CLASP1: variants seen among roughly 807,000 people sequenced by gnomAD.
CLASP1 encodes CLIP-associating protein 1.
In CLASP1, 38 loss-of-function variants were observed where a neutral mutation model predicts 192.3. The ratio of observed to expected loss-of-function variants is 0.20; its 90% CI spans 0.15 to 0.26. The LOEUF is 0.26. Ranked by LOEUF, CLASP1 falls within the 10% of genes least tolerant of loss-of-function variation. The pLI, the probability that CLASP1 is intolerant of heterozygous loss-of-function variation, is 1.00. For missense variants in CLASP1, 1,433 were observed against 1,932.5 expected (o/e 0.74, Z 4.85); for synonymous variants, 691 against 712.8 (o/e 0.97, Z 0.49).
intron 1 of CLASP1, among the ~76,000 whole-genome samples, chr2:121,638,860 G>A (rs1356253304): frequency 6.6e-6 from 1 of 151,878 alleles, no homozygotes; most frequent in Non-Finnish European, 1.5e-5. Context: ...GTAGAGACAG[G>A]GTTTCACCAT....
intron 1 of CLASP1, among the ~76,000 whole-genome samples, chr2:121,610,457 T>C (rs1477694849): frequency 2.1e-5 from 2 of 97,184 alleles, no homozygotes; most frequent in Non-Finnish European, 4.1e-5. Context: ...GAAGAGGAAC[T>C]AGAGGAGGAG....
chr2:121,415,899 T>C lies in CLASP1; in HGVS notation c.2320+2723A>G, dbSNP rs542156485. The stretch of plus-strand genomic sequence containing the variant: ...ACATGTGGTATTAAATAGCAAAGAT[T>C]ACCTGGCAATTTTTACCAGCTTGCA... On this transcript the variant is annotated intron_variant, in intron 23 of 39. Transcript: ENST00000263710. 2.0e-5 allele frequency among the ~76,000 whole-genome samples: 3 copies of C among 152,296 alleles called. No individual in the cohort carries two copies. The East Asian group carries it at 5.8e-4, about 29-fold the overall frequency.
chr2:121,391,955 C>T (rs1048393470), intron 30 of CLASP1, among the ~76,000 whole-genome samples: 5 of 152,170 alleles, frequency 3.3e-5, no homozygotes, highest in Admixed American at 3.3e-4. Flanking sequence ...AAGCTGAGAT[C>T]CAGCTATTTG....
chr2:121,405,723 C>T (rs1054312784), intron 25 of CLASP1, among the ~76,000 whole-genome samples: 3 of 152,192 alleles, frequency 2.0e-5, no homozygotes, highest in African/African-American at 7.2e-5. Context: ...GTGGGACCAC[C>T]AGGATTAAAC....
intron 30 of CLASP1, among the ~76,000 whole-genome samples, chr2:121,391,120 ATATTAT>A (rs1194730681): frequency 6.6e-6 from 1 of 152,210 alleles, no homozygotes; most frequent in African/African-American, 2.4e-5. Flanking sequence ...ACACGCTCAT[ATATTAT>A]TATATTAATT....
intron 23 of CLASP1, among the ~76,000 whole-genome samples, chr2:121,413,811 T>A (rs2078119899): frequency 6.6e-6 from 1 of 152,212 alleles, no homozygotes; most frequent in Non-Finnish European, 1.5e-5. Flanking sequence ...ATGATATCCA[T>A]GCCCCCTTGC....
At chr2:121,637,297 T>A (rs937338408) in intron 1 of CLASP1, among the ~76,000 whole-genome samples, 1 of 151,242 alleles carries the variant, frequency 6.6e-6, no homozygotes, top group African/African-American at 2.4e-5. Flanking sequence ...GAAAATGAAG[T>A]CAAAAACCCA....
chr2:121,553,936 A>G (rs2058277505), intron 2 of CLASP1, among the ~76,000 whole-genome samples: 1 of 152,150 alleles, frequency 6.6e-6, no homozygotes, highest in African/African-American at 2.4e-5. Flanking sequence ...TCAACAGGCT[A>G]CAGACAGTGG....
chr2:121,525,519 T>C (rs1424398062), intron 6 of CLASP1, among the ~76,000 whole-genome samples: 1 of 152,058 alleles, frequency 6.6e-6, no homozygotes, highest in Admixed American at 6.6e-5. Context: ...CACCACCCCT[T>C]TTGGCTGCAG....
intron 9 of CLASP1, among the ~76,000 whole-genome samples, chr2:121,465,065 G>A (rs1389693668): frequency 3.3e-5 from 5 of 152,228 alleles, no homozygotes; most frequent in Admixed American, 6.5e-5. Flanking sequence ...CCAATATCAT[G>A]CTGAATGGGC....
intron 7 of CLASP1, among the ~76,000 whole-genome samples, chr2:121,507,201 A>G (rs779861605): frequency 6.6e-6 from 1 of 152,246 alleles, no homozygotes; most frequent in Non-Finnish European, 1.5e-5. Flanking sequence ...ATTAAAGTGT[A>G]AGAACAATGT....
chr2:121,449,637 A>AT lies in CLASP1; in HGVS notation c.1524-518dup, dbSNP rs145310147. Among the ~76,000 whole-genome samples the AT allele has an allele frequency of 9.8e-3, 1,492 of 152,146 alleles. 27 individuals carry two copies. The highest frequency in any genetic ancestry group is 0.033 in the African/African-American group (1,385 of 41,402). On this transcript the variant is annotated intron_variant, in intron 16 of 39. Transcript: ENST00000263710. ...GGGGTGGGGAGGGTCCAATACAAGGATAAAAACAGCATAAACAGATTATTA... is the reference window on the plus strand; with the variant it reads ...GGGGTGGGGAGGGTCCAATACAAGGATTAAAAACAGCATAAACAGATTATTA...
chr2:121,531,116 T>G (rs982955359), intron 2 of CLASP1: 9 of 636,470 alleles, frequency 1.4e-5, no homozygotes, highest in Middle Eastern at 4.1e-4. Context: ...GTGGTTTTAG[T>G]GTCGCAAGTA....
At chr2:121,462,844 C>T (rs1442894295) in intron 9 of CLASP1, among the ~76,000 whole-genome samples, 2 of 152,038 alleles carry the variant, frequency 1.3e-5, no homozygotes, top group East Asian at 3.9e-4. Context: ...ACTTAGACTA[C>T]CTGTTTAAGC....
At chr2:121,370,712 C>T (rs572904611) in intron 34 of CLASP1, among the ~76,000 whole-genome samples, 23 of 152,302 alleles carry the variant, frequency 1.5e-4, no homozygotes, top group African/African-American at 5.5e-4. Flanking sequence ...CATGCAGCAT[C>T]TTCATGGCAC....
intron 1 of CLASP1, among the ~76,000 whole-genome samples, chr2:121,626,098 CA>C (rs557488865): frequency 0.01 from 1,147 of 111,078 alleles, 11 homozygotes; most frequent in African/African-American, 0.026. Flanking sequence ...GACTCCATCT[CA>C]AAAAAAAAAA....
intron 39 of CLASP1, 84 bp from the exon 41 acceptor site, chr2:121,341,031 T>C (rs1372712741): frequency 3.4e-6 from 3 of 883,980 alleles, no homozygotes; most frequent in African/African-American, 3.3e-5. Flanking sequence ...CAGGTGACAG[T>C]AAGGAAACAG....
chr2:121,531,020 T>TTTCATAGACTTATCAG (rs777832193), intron 2 of CLASP1: 1 of 700,104 alleles, frequency 1.4e-6, no homozygotes, highest in South Asian at 1.5e-5. Flanking sequence ...GAAAACCTGT[T>TTTCATAGACTTATCAG]TTCATAGACT....
chr2:121,375,472 TC>T (rs1367817981), intron 34 of CLASP1, among the ~76,000 whole-genome samples: 4 of 150,548 alleles, frequency 2.7e-5, no homozygotes, highest in Non-Finnish European at 4.4e-5. Context: ...CAGGCAATTC[TC>T]CTGCCTCAGC....
Sources: gnomAD v4.1 joint callset for allele counts (sites outside exome capture counted in the v4.1 genomes callset) on GRCh38, gnomAD v4.1.1 for gene constraint, MANE v1.5 for transcripts, NCBI Gene and HGNC (gene_info 2026-07-23, HGNC 2026-07-21) for gene names.